The following MAMLD1 variants were observed in gnomAD, a reference collection of about 807,000 sequenced individuals.
MAMLD1 encodes the protein mastermind-like domain-containing protein 1.
A neutral mutation model predicts 45.0 loss-of-function variants in MAMLD1; 14 were observed. That is an observed-to-expected ratio of 0.31 (90% CI 0.21 to 0.49). MAMLD1 has a LOEUF of 0.49. MAMLD1 is among the 20% of genes least tolerant of loss of function. The pLI, the probability that MAMLD1 is intolerant of heterozygous loss-of-function variation, is 0.99. For missense variants in MAMLD1, 543 were observed against 603.6 expected (o/e 0.90, Z 1.05); for synonymous variants, 254 against 247.8 (o/e 1.02, Z -0.24).
intron 1 of MAMLD1, among the ~76,000 whole-genome samples, chrX:150,425,776 T>A (rs2034682986): frequency 8.9e-6 from 1 of 111,838 alleles, no homozygotes; most frequent in East Asian, 2.8e-4. Flanking sequence ...GACAAATACT[T>A]CCTGCCAAGG....
intron 3 of MAMLD1, 44 bp downstream of exon 3, chrX:150,462,890 T>C: frequency 9.5e-6 from 10 of 1,053,348 alleles, no homozygotes; most frequent in Non-Finnish European, 1.3e-5. Context: ...CACTTTACAG[T>C]GGGGAAACTG....
chrX:150,404,682 T>C (rs2033954046), intron 1 of MAMLD1, among the ~76,000 whole-genome samples: 1 of 111,725 alleles, frequency 9.0e-6, no homozygotes, highest in African/African-American at 3.3e-5. Flanking sequence ...TTGTAGTCCC[T>C]CCCTCTGGCC....
intron 1 of MAMLD1, among the ~76,000 whole-genome samples, chrX:150,431,034 G>A (rs2034921523): frequency 8.9e-6 from 1 of 112,358 alleles, no homozygotes; most frequent in Non-Finnish European, 1.9e-5. Flanking sequence ...TTTGGGAGAA[G>A]TCAATGTCTT....
At chrX:150,423,387 T>TGTGC (rs782748216) in intron 1 of MAMLD1, among the ~76,000 whole-genome samples, 142 of 103,743 alleles carry the variant, frequency 1.4e-3, no homozygotes, top group African/African-American at 4.7e-3. Flanking sequence ...TGTGTGTGTT[T>TGTGC]GCACCTTTGG....
intron 7 of MAMLD1, among the ~76,000 whole-genome samples, chrX:150,511,563 GC>G (rs1557409116): frequency 8.9e-6 from 1 of 112,041 alleles, no homozygotes; most frequent in African/African-American, 3.2e-5. Context: ...AAGAGGCTGA[GC>G]TAGCTCCCGC....
intron 5 of MAMLD1, among the ~76,000 whole-genome samples, chrX:150,492,831 C>T (rs1156810638): frequency 8.9e-6 from 1 of 112,072 alleles, no homozygotes; most frequent in Non-Finnish European, 1.9e-5. Context: ...CATTGGGCCT[C>T]TTCATCTACA....
At chrX:150,496,197 G>A (rs1603015425) in intron 5 of MAMLD1, among the ~76,000 whole-genome samples, 2 of 112,827 alleles carry the variant, frequency 1.8e-5, no homozygotes, top group East Asian at 5.6e-4. Flanking sequence ...GAGATACTGA[G>A]AGAATTTGAG....
intron 1 of MAMLD1, among the ~76,000 whole-genome samples, chrX:150,411,322 A>G (rs2034119394): frequency 8.9e-6 from 1 of 112,504 alleles, no homozygotes; most frequent in African/African-American, 3.2e-5. Context: ...TTTGCTTCAC[A>G]GGATGGTTGT....
At chrX:150,494,781 G>C (rs1277720274) in intron 5 of MAMLD1, among the ~76,000 whole-genome samples, 1 of 111,531 alleles carries the variant, frequency 9.0e-6, no homozygotes, top group Non-Finnish European at 1.9e-5. Context: ...CTGGGAAGCT[G>C]AGGTGGCAGG....
At chrX:150,502,788 C>T (rs1248262853) in intron 5 of MAMLD1, among the ~76,000 whole-genome samples, 5 of 106,516 alleles carry the variant, frequency 4.7e-5, no homozygotes, top group Non-Finnish European at 9.7e-5. Flanking sequence ...TACCTACAAA[C>T]CAGTTTAGAG....
upstream of MAMLD1, among the ~76,000 whole-genome samples, chrX:150,363,078 T>G (rs782111713): frequency 8.9e-6 from 1 of 112,335 alleles, no homozygotes; most frequent in Non-Finnish European, 1.9e-5. Flanking sequence ...CATCCCGGAG[T>G]GGAAACCCTG....
At position 150,470,376 on chromosome X, in the gene MAMLD1, G is replaced by A. The variant is rs1557406297; in HGVS notation, c.803G>A (p.Ser268Asn). ...ATCAGCTATTCGATTCCTTCCACCA[G>A]TAAGCAGATAGTGTCACCGAGTTCT... ...TGISYSIPST[S>N]KQIVSPSSSM... Residue 268 changes from serine to asparagine, a missense_variant, in exon 4 of 8, where the codon AGT becomes AAT. Transcript: ENST00000370401. 2 of 1,210,981 alleles carry A rather than the reference G, an allele frequency of 1.7e-6. No individual in the cohort carries two copies. Among genetic ancestry groups the A allele is most frequent in the East Asian group, 3.0e-5 (1 of 33,822 alleles).
At chrX:150,427,289 C>G (rs1176562280) in intron 1 of MAMLD1, among the ~76,000 whole-genome samples, 2 of 112,350 alleles carry the variant, frequency 1.8e-5, no homozygotes, top group Non-Finnish European at 3.8e-5. Context: ...CAATCCATAA[C>G]ATCAACATGC....
At chrX:150,426,834 G>A (rs2034722050) in intron 1 of MAMLD1, among the ~76,000 whole-genome samples, 2 of 111,880 alleles carry the variant, frequency 1.8e-5, no homozygotes, top group Non-Finnish European at 3.8e-5. Flanking sequence ...GTCTCCACTG[G>A]CATCTTCACC....
chrX:150,420,819 G>A (rs1486251592), intron 1 of MAMLD1, among the ~76,000 whole-genome samples: 3 of 112,098 alleles, frequency 2.7e-5, no homozygotes, highest in African/African-American at 9.7e-5. Context: ...CTGTGTGCTG[G>A]GAGAACCACT....
chrX:150,495,435 C>T (rs1185890644), intron 5 of MAMLD1, among the ~76,000 whole-genome samples: 2 of 112,091 alleles, frequency 1.8e-5, no homozygotes, highest in Admixed American at 9.4e-5. Flanking sequence ...ATTGGATATG[C>T]AGAAGAAATA....
At position 150,489,205 on chromosome X, in the gene MAMLD1, C is replaced by G. The variant is rs1288341503; in HGVS notation, c.2041-14069C>G. Among the ~76,000 whole-genome samples, 3 of 111,554 alleles carry G rather than the reference C, an allele frequency of 2.7e-5. No individual in the cohort carries two copies. In the Admixed American group the frequency reaches 2.8e-4, roughly 11 times the overall value. ...GGCTCACTGTCTTAGTCAGTTCAGG[C>G]TGCTATGACAAAATACCATAGGCTG... On this transcript the variant is annotated intron_variant, in intron 5 of 7. Transcript: ENST00000370401.
intron 1 of MAMLD1, among the ~76,000 whole-genome samples, chrX:150,422,147 A>T (rs928719846): frequency 8.9e-6 from 1 of 112,391 alleles, no homozygotes; most frequent in Admixed American, 9.4e-5. Context: ...TGATGTCGGC[A>T]CTTCTTTAAG....
At chrX:150,403,939 G>GAAA (rs1406341111) in intron 1 of MAMLD1, among the ~76,000 whole-genome samples, 2 of 30,102 alleles carry the variant, frequency 6.6e-5, no homozygotes, top group Non-Finnish European at 1.4e-4. Flanking sequence ...GAGAAAGAAA[G>GAAA]AAAAGAAAGA....
Sources: gnomAD v4.1 joint callset for allele counts (sites outside exome capture counted in the v4.1 genomes callset) on GRCh38, gnomAD v4.1.1 for gene constraint, MANE v1.5 for transcripts, NCBI Gene and HGNC (gene_info 2026-07-23, HGNC 2026-07-21) for gene names.